The following DOCK10 variants were observed in gnomAD, a reference collection of about 807,000 sequenced individuals.
DOCK10 encodes the protein dedicator of cytokinesis protein 10.
A neutral mutation model predicts 280.1 loss-of-function variants in DOCK10; 145 were observed. That is an observed-to-expected ratio of 0.52 (90% CI 0.45 to 0.59). The LOEUF (loss-of-function observed/expected upper bound fraction) is 0.59. Ranked by LOEUF, DOCK10 falls within the 20% of genes least tolerant of loss-of-function variation. The pLI, the probability that DOCK10 is intolerant of heterozygous loss-of-function variation, is 0.00. For missense variants in DOCK10, 2,368 were observed against 2,651.7 expected, an observed-to-expected ratio of 0.89 and a Z score of 2.35; for synonymous variants, 915 against 942.2, an observed-to-expected ratio of 0.97 and a Z score of 0.53.
chr2:224,822,872 T>C (rs1694589804), intron 28 of DOCK10, among the ~76,000 whole-genome samples: 1 of 152,192 alleles, frequency 6.6e-6, no homozygotes, highest in Admixed American at 6.5e-5. Context: ...AATATTACTG[T>C]AGTGCAGCTT....
Position 224,829,867 on chromosome 2 carries a change from T to A in DOCK10, c.3036+674A>T, listed in dbSNP as rs1695106649. 2.0e-5 allele frequency among the ~76,000 whole-genome samples: 3 copies of A among 152,122 alleles called. No homozygotes were observed. The South Asian group carries it at 6.2e-4, about 31-fold the overall frequency. ...CTGTAATTAATTCCATCAGGGTCCC[T>A]CTTCTAAGCTTCCTTTCAGGAGGGG... On this transcript the variant is annotated intron_variant, in intron 27 of 55. Coordinates refer to ENST00000258390, the MANE Select transcript of DOCK10 (RefSeq NM_014689.3).
intron 1 of DOCK10, among the ~76,000 whole-genome samples, chr2:225,002,525 T>C (rs1176701518): frequency 1.3e-5 from 2 of 152,212 alleles, no homozygotes; most frequent in South Asian, 2.1e-4. Context: ...GCCTCAGTAG[T>C]TGAGATTTAG....
At chr2:225,002,793 G>C (rs1225067073) in intron 1 of DOCK10, among the ~76,000 whole-genome samples, 1 of 151,916 alleles carries the variant, frequency 6.6e-6, no homozygotes, top group African/African-American at 2.4e-5. Context: ...AACCACATCA[G>C]TGTGGTCTGT....
intron 1 of DOCK10, among the ~76,000 whole-genome samples, chr2:224,975,328 T>G (rs1705369307): frequency 6.6e-6 from 1 of 152,306 alleles, no homozygotes; most frequent in South Asian, 2.1e-4. Context: ...CCTCCAAAGA[T>G]TCTATGTGCT....
At chr2:224,885,160 T>A (rs1485854476) in intron 7 of DOCK10, among the ~76,000 whole-genome samples, 2 of 152,240 alleles carry the variant, frequency 1.3e-5, no homozygotes. Flanking sequence ...CCACCGCATC[T>A]GGCTAATTTT....
At chr2:224,801,205 G>A (rs1692967491) in intron 40 of DOCK10, among the ~76,000 whole-genome samples, 1 of 145,952 alleles carries the variant, frequency 6.9e-6, no homozygotes, top group South Asian at 2.2e-4. Context: ...AGGTCCTGAA[G>A]AGGGAAAGGG....
At position 224,864,542 on chromosome 2, in the gene DOCK10, T is replaced by C; in HGVS notation, c.1602+11A>G. ...AAAGGAAGTGAAGTTATTTATAAGA[T>C]TATACATTACCTTGTTGGAGTCTGG... On this transcript the variant is annotated intron_variant, in intron 13 of 55. Transcript: ENST00000258390. 1 of 1,571,000 alleles carries C rather than the reference T, an allele frequency of 6.4e-7. No individual in the cohort carries two copies. The highest frequency in any genetic ancestry group is 8.6e-7 in the Non-Finnish European group (1 of 1,164,482).
At chr2:224,792,879 C>CAT in intron 47 of DOCK10, 95 bp downstream of exon 47, 3 of 955,240 alleles carry the variant, frequency 3.1e-6, no homozygotes, top group East Asian at 2.6e-5. Flanking sequence ...GTTTTTGCTT[C>CAT]TAAGAATATA....
chr2:224,874,606 A>T, intron 9 of DOCK10, 60 bp downstream of exon 9: 1 of 1,483,394 alleles, frequency 6.7e-7, no homozygotes, highest in Non-Finnish European at 9.4e-7. Context: ...CTTTTCCATG[A>T]AAGCAATAAC....
At chr2:224,923,524 G>A (rs893603001) in intron 2 of DOCK10, among the ~76,000 whole-genome samples, 4 of 152,204 alleles carry the variant, frequency 2.6e-5, no homozygotes, top group Non-Finnish European at 5.9e-5. Flanking sequence ...CAAAGACTCT[G>A]AGGTCTGTGG....
chr2:224,909,959 TA>T (rs1030338664), intron 3 of DOCK10, among the ~76,000 whole-genome samples: 10 of 151,962 alleles, frequency 6.6e-5, no homozygotes, highest in African/African-American at 1.2e-4. Flanking sequence ...CATTGAAGAT[TA>T]AAAAAAAGAA....
chr2:224,939,620 G>A (rs1278219629), intron 1 of DOCK10, among the ~76,000 whole-genome samples: 2 of 151,876 alleles, frequency 1.3e-5, no homozygotes, highest in African/African-American at 4.8e-5. Context: ...CTGACACAAG[G>A]GAAATTAATG....
At chr2:224,780,902 A>AG (rs1691284778) in intron 50 of DOCK10, among the ~76,000 whole-genome samples, 1 of 151,598 alleles carries the variant, frequency 6.6e-6, no homozygotes, top group Non-Finnish European at 1.5e-5. Context: ...TCTGTCTAAA[A>AG]AAAAAAAAAA....
At chr2:224,837,934 T>C (rs187698426) in intron 24 of DOCK10, 103 bp from the exon 25 acceptor site, 1 of 866,608 alleles carries the variant, frequency 1.2e-6, no homozygotes, top group Non-Finnish European at 1.9e-6. Flanking sequence ...TAATAATTAC[T>C]GGGTGAATGA....
intron 50 of DOCK10, among the ~76,000 whole-genome samples, chr2:224,783,701 C>A (rs1375399947): frequency 6.6e-6 from 1 of 151,050 alleles, no homozygotes; most frequent in Non-Finnish European, 1.5e-5. Context: ...AGGGCTCCCC[C>A]CAATACTTCC....
chr2:224,821,571 A>T lies in DOCK10; in HGVS notation c.3183+1930T>A, dbSNP rs141365227. 1.3e-4 allele frequency among the ~76,000 whole-genome samples: 20 copies of T among 151,934 alleles called. No individual in the cohort carries two copies. The East Asian group carries it at 2.5e-3, about 19-fold the overall frequency. ...AATGATTCATCTAATAAGTGTTCCA[A>T]TTTTTTTTAATATTATGTGTCAAAT... On this transcript the variant is annotated intron_variant, in intron 28 of 55. Coordinates refer to ENST00000258390, the MANE Select transcript of DOCK10 (RefSeq NM_014689.3).
Position 224,855,836 on chromosome 2 carries a change from T to G in DOCK10, c.1809-794A>C, listed in dbSNP as rs182393203. ...ATTTTTAGGAATTTTGCTTGACAGCTAAACACAGCCGTTAATAAAAATTAA... is the reference window on the plus strand; with the variant it reads ...ATTTTTAGGAATTTTGCTTGACAGCGAAACACAGCCGTTAATAAAAATTAA... On this transcript the variant is annotated intron_variant, in intron 15 of 55. Transcript: ENST00000258390. 2.6e-5 allele frequency among the ~76,000 whole-genome samples: 4 copies of G among 152,324 alleles called. No homozygotes were observed. The East Asian group carries it at 7.7e-4, about 29-fold the overall frequency.
chr2:224,789,895 C>T (rs904122051), intron 47 of DOCK10, among the ~76,000 whole-genome samples: 1 of 152,114 alleles, frequency 6.6e-6, no homozygotes, highest in African/African-American at 2.4e-5. Flanking sequence ...ATTCTCCTGC[C>T]TCAGCCTCCT....
chr2:224,975,489 A>G (rs564893956), intron 1 of DOCK10, among the ~76,000 whole-genome samples: 1 of 152,222 alleles, frequency 6.6e-6, no homozygotes, highest in East Asian at 1.9e-4. Flanking sequence ...CAGGATTTAG[A>G]GATTCTGGAA....
Sources: allele counts gnomAD v4.1 joint callset (sites outside exome capture counted in the v4.1 genomes callset), GRCh38; gene constraint gnomAD v4.1.1; transcripts MANE v1.5; gene names NCBI Gene and HGNC (gene_info 2026-07-23, HGNC 2026-07-21).